NPAS3: variants seen among roughly 807,000 people sequenced by gnomAD.
NPAS3 encodes neuronal PAS domain-containing protein 3.
In NPAS3, 14 loss-of-function variants were observed where a neutral mutation model predicts 73.1. The observed-to-expected ratio is 0.19, with a 90% CI of 0.13 to 0.30. The LOEUF (loss-of-function observed/expected upper bound fraction) is 0.30. Among genes scored for constraint, NPAS3 ranks in the 10% least tolerant of loss-of-function variants. The pLI is 1.00. For missense variants in NPAS3, 1,096 were observed against 1,250.0 expected, an observed-to-expected ratio of 0.88 and a Z score of 1.86; for synonymous variants, 620 against 541.5, an observed-to-expected ratio of 1.14 and a Z score of -2.01.
At chr14:32,949,423 G>T (rs190947200) in intron 1 of NPAS3, among the ~76,000 whole-genome samples, 1 of 152,108 alleles carries the variant, frequency 6.6e-6, no homozygotes, top group Admixed American at 6.6e-5. Context: ...CAATCACTGT[G>T]AAGGGAGGGT....
At chr14:33,587,151 C>T (rs1364359749) in intron 5 of NPAS3, among the ~76,000 whole-genome samples, 1 of 152,052 alleles carries the variant, frequency 6.6e-6, no homozygotes, top group Non-Finnish European at 1.5e-5. Context: ...ATTTTTGTGC[C>T]CTTTATTCTT....
chr14:33,359,482 C>A (rs182913484), intron 3 of NPAS3, among the ~76,000 whole-genome samples: 62 of 152,248 alleles, frequency 4.1e-4, no homozygotes, highest in Non-Finnish European at 7.9e-4. Flanking sequence ...ATCTCCACCC[C>A]CTTCCTACTG....
intron 2 of NPAS3, among the ~76,000 whole-genome samples, chr14:33,211,717 A>G (rs554053802): frequency 4.6e-4 from 70 of 152,180 alleles, no homozygotes; most frequent in African/African-American, 1.6e-3. Context: ...ACATACATAT[A>G]TGTGTGTGTG....
intron 5 of NPAS3, among the ~76,000 whole-genome samples, chr14:33,648,318 A>AAACTT (rs2058893512): frequency 1.3e-5 from 2 of 152,230 alleles, no homozygotes; most frequent in African/African-American, 4.8e-5. Flanking sequence ...GGTCCATTGA[A>AAACTT]AACTTAGGTC....
chr14:33,443,023 A>G (rs896583311), intron 4 of NPAS3, among the ~76,000 whole-genome samples: 5 of 152,350 alleles, frequency 3.3e-5, no homozygotes, highest in Admixed American at 3.3e-4. Context: ...CATTGTTTAA[A>G]ATGTGGAATG....
chr14:33,206,789 A>G (rs55650953), intron 2 of NPAS3, among the ~76,000 whole-genome samples: 52,001 of 151,958 alleles, frequency 0.34, 9,230 homozygotes, highest in East Asian at 0.55. Flanking sequence ...GAAAAATAGT[A>G]CTATAGTTCT....
At chr14:33,285,404 G>A (rs780290661) in intron 3 of NPAS3, among the ~76,000 whole-genome samples, 9 of 152,118 alleles carry the variant, frequency 5.9e-5, no homozygotes, top group Non-Finnish European at 7.4e-5. Context: ...AGCATACTCC[G>A]TAGTTATTGA....
chr14:33,187,183 T>TTTA (rs1225444649), intron 2 of NPAS3, among the ~76,000 whole-genome samples: 1 of 152,230 alleles, frequency 6.6e-6, no homozygotes, highest in African/African-American at 2.4e-5. Context: ...CAGAATGGTC[T>TTTA]GTAAGGCCTT....
intron 4 of NPAS3, among the ~76,000 whole-genome samples, chr14:33,448,759 C>T (rs540827003): frequency 2.0e-5 from 3 of 152,254 alleles, no homozygotes; most frequent in Admixed American, 6.5e-5. Context: ...AAGGATGAAA[C>T]GTTGCCGAAA....
rs146571623 is a variant in NPAS3, at chr14:33,800,190, C to T, written c.1883C>T (p.Ala628Val). The T allele has an allele frequency of 6.2e-7, 1 of 1,611,528 alleles. No individual in the cohort carries two copies. ...GCGTCGAGCCCAGGCGGCCTGGACG[C>T]GGGCCTGGTGGAGCCCCCGCGGCTG... Residue 628 changes from alanine (A) to valine (V), a missense_variant, in exon 12 of 12, where the codon GCG (alanine) becomes GTG (valine). By Grantham distance (64) the Ala-to-Val change is moderately conservative. Coordinates refer to ENST00000356141, the Ensembl canonical transcript of NPAS3. The surrounding 1 kb of genome is among the most constrained non-coding windows in gnomAD (Gnocchi z 6.5).
chr14:32,957,507 G>T (rs888214762), intron 1 of NPAS3, among the ~76,000 whole-genome samples: 13 of 151,874 alleles, frequency 8.6e-5, no homozygotes, highest in Admixed American at 2.6e-4. Flanking sequence ...GAGTAGCTGG[G>T]TCTACAGGTG....
At chr14:33,530,894 A>C (rs2054011970) in intron 4 of NPAS3, among the ~76,000 whole-genome samples, 1 of 152,072 alleles carries the variant, frequency 6.6e-6, no homozygotes. Context: ...GCTCCAAATA[A>C]TAAGGTAGAG....
chr14:33,065,453 T>C (rs1344784790), intron 2 of NPAS3, among the ~76,000 whole-genome samples: 1 of 152,146 alleles, frequency 6.6e-6, no homozygotes, highest in Non-Finnish European at 1.5e-5. Flanking sequence ...GATGTTTAGG[T>C]CCAGTTCTTA....
At chr14:33,359,937 A>G (rs2045516947) in intron 3 of NPAS3, among the ~76,000 whole-genome samples, 1 of 152,232 alleles carries the variant, frequency 6.6e-6, no homozygotes, top group South Asian at 2.1e-4. Context: ...AATTTAAACA[A>G]CAACAGAAGC....
chr14:33,678,642 C>G (rs979125744), intron 6 of NPAS3, among the ~76,000 whole-genome samples: 1 of 151,908 alleles, frequency 6.6e-6, no homozygotes, highest in African/African-American at 2.4e-5. Flanking sequence ...TACTATACTT[C>G]TCTTAATGCA....
chr14:33,389,953 C>T (rs2202035), intron 4 of NPAS3, among the ~76,000 whole-genome samples: 81,044 of 151,778 alleles, frequency 0.53, 21,798 homozygotes, highest in East Asian at 0.69. Flanking sequence ...ACTGTACTGT[C>T]TGAAGGGTGT....
intron 1 of NPAS3, among the ~76,000 whole-genome samples, chr14:32,983,097 T>C (rs934264784): frequency 1.3e-5 from 2 of 152,256 alleles, no homozygotes; most frequent in African/African-American, 4.8e-5. Context: ...GATGTTTGAG[T>C]AGCATATTGC....
chr14:33,126,971 T>TA (rs2043449705), intron 2 of NPAS3, among the ~76,000 whole-genome samples: 2 of 152,128 alleles, frequency 1.3e-5, no homozygotes, highest in South Asian at 4.1e-4. Context: ...CCGCTCAATT[T>TA]AAAAAACTAG....
chr14:33,210,724 G>A (rs1237851704), intron 2 of NPAS3, among the ~76,000 whole-genome samples: 1 of 151,822 alleles, frequency 6.6e-6, no homozygotes, highest in African/African-American at 2.4e-5. Context: ...AAACAAAATT[G>A]CTTGTCCTGC....
Sources: gnomAD v4.1 joint callset for allele counts (sites outside exome capture counted in the v4.1 genomes callset) on GRCh38, gnomAD v4.1.1 for gene constraint, Gnocchi (gnomAD v3.1) non-coding constraint, MANE v1.5 for transcripts, NCBI Gene and HGNC (gene_info 2026-07-23, HGNC 2026-07-21) for gene names.